LPAR6: variants seen among roughly 807,000 people sequenced by gnomAD.
The protein encoded by LPAR6 is lysophosphatidic acid receptor 6.
Under a neutral mutation model 22.0 loss-of-function variants are expected in LPAR6, and 17 were observed. The ratio of observed to expected loss-of-function variants is 0.77; its 90% CI spans 0.53 to 1.16. LPAR6 has a LOEUF of 1.16. Ranked by LOEUF, LPAR6 falls within the 50% of genes most tolerant of loss-of-function variation. The pLI is 0.00. For missense variants in LPAR6, 384 were observed against 406.9 expected, an observed-to-expected ratio of 0.94 and a Z score of 0.48; for synonymous variants, 136 against 139.8, an observed-to-expected ratio of 0.97 and a Z score of 0.19.
chr13:48,407,107 A>T (rs1030538370), downstream of LPAR6, among the ~76,000 whole-genome samples: 1 of 152,202 alleles, frequency 6.6e-6, no homozygotes, highest in Non-Finnish European at 1.5e-5. Flanking sequence ...CATTTACCCC[A>T]TGGCTATTAA....
At chr13:48,401,343 G>T (rs1463015224) in intron 1 of LPAR6, 1 of 152,094 alleles carries the variant, frequency 6.6e-6, no homozygotes, top group Admixed American at 6.6e-5. Flanking sequence ...TAGAATTCTG[G>T]ATATGCAAGA....
At chr13:48,425,082 A>G (rs1440694150) in intron 1 of LPAR6, among the ~76,000 whole-genome samples, 1 of 152,148 alleles carries the variant, frequency 6.6e-6, no homozygotes, top group Non-Finnish European at 1.5e-5. Flanking sequence ...AGAATACAAA[A>G]CAAAGAAATA....
At chr13:48,404,660 G>A (rs921044622) in intron 1 of LPAR6, among the ~76,000 whole-genome samples, 1 of 152,020 alleles carries the variant, frequency 6.6e-6, no homozygotes, top group African/African-American at 2.4e-5. Flanking sequence ...CTGAGTAGCT[G>A]GGATTACAGG....
intron 2 of LPAR6, among the ~76,000 whole-genome samples, chr13:48,420,021 C>A (rs1436706414): frequency 6.6e-6 from 1 of 152,110 alleles, no homozygotes; most frequent in Non-Finnish European, 1.5e-5. Flanking sequence ...AAAGAGAGTC[C>A]TCCTTAACTC....
chr13:48,412,327 T>C lies in LPAR6; in HGVS notation c.97A>G (p.Ile33Val), dbSNP rs1060585. 4 of 1,613,328 alleles carry C rather than the reference T, an allele frequency of 2.5e-6. No individual in the cohort carries two copies. Among genetic ancestry groups the C allele is most frequent in the Non-Finnish European group, 3.4e-6 (4 of 1,179,302 alleles). ...ATGTATATGGCAACACAATTGGATATTAACCCAAGCACAAACACCATGCTG... is the reference window on the plus strand; with the variant it reads ...ATGTATATGGCAACACAATTGGATACTAACCCAAGCACAAACACCATGCTG... ...MFSMVFVLGL[I>V]SNCVAIYIFI... is the part of the protein sequence containing the mutation. The change falls in exon 1 of 1, where the codon ATA becomes GTA. Residue 33 changes from isoleucine to valine, a missense_variant. Coordinates refer to ENST00000620633, the MANE Select transcript of LPAR6 (RefSeq NM_001162498.3).
chr13:48,435,413 T>A (rs1424207861), intron 1 of LPAR6, among the ~76,000 whole-genome samples: 1 of 152,154 alleles, frequency 6.6e-6, no homozygotes, highest in Non-Finnish European at 1.5e-5. Flanking sequence ...TCTGATTGGA[T>A]TGTTTGTTTT....
downstream of LPAR6, among the ~76,000 whole-genome samples, chr13:48,408,122 GT>G (rs1948756130): frequency 6.6e-6 from 1 of 151,908 alleles, no homozygotes; most frequent in African/African-American, 2.4e-5. Flanking sequence ...TCTCAATTTA[GT>G]GACTAATTTC....
chr13:48,399,635 GACA>G (rs776929667), intron 1 of LPAR6, among the ~76,000 whole-genome samples: 3 of 151,876 alleles, frequency 2.0e-5, no homozygotes, highest in Non-Finnish European at 2.9e-5. Context: ...TGTTAAAAAG[GACA>G]ACAATAAGAA....
chr13:48,421,619 C>A (rs1949006009), intron 2 of LPAR6, among the ~76,000 whole-genome samples: 1 of 152,156 alleles, frequency 6.6e-6, no homozygotes, highest in Non-Finnish European at 1.5e-5. Context: ...ATCTATCCAT[C>A]TGACAAAGGG....
chr13:48,412,409 GT>G lies in LPAR6; in HGVS notation c.14del (p.Asn5ThrfsTer28). 2 of 1,613,456 alleles carry G rather than the reference GT, an allele frequency of 1.2e-6. No homozygotes were observed. The highest frequency in any genetic ancestry group is 1.7e-6 in the Non-Finnish European group (2 of 1,179,404). On this transcript the variant is annotated frameshift_variant, in exon 1 of 1. Coordinates refer to ENST00000620633, the MANE Select transcript of LPAR6 (RefSeq NM_001162498.3). LOFTEE classifies it high-confidence loss of function. ...AGTCATTATAGAAGCAGTGGGAGCTGTTAACGCTTACCATCGTAAAGGCACG... is the reference window on the plus strand; with the variant it reads ...AGTCATTATAGAAGCAGTGGGAGCTGTAACGCTTACCATCGTAAAGGCACG... MVSV[N>X]SSHCFYNDSF...
At chr13:48,416,564 C>T (rs540344437), upstream of LPAR6, 1 of 152,642 alleles carries the variant, frequency 6.6e-6, no homozygotes, top group Admixed American at 6.5e-5. Context: ...TCCAGTGGCA[C>T]CTGAAACACC....
chr13:48,401,218 A>G (rs950350862), intron 1 of LPAR6: 1 of 152,174 alleles, frequency 6.6e-6, no homozygotes, highest in Non-Finnish European at 1.5e-5. Flanking sequence ...ATATACTCTT[A>G]TTCAGAGAAT....
chr13:48,411,716 G>T lies in LPAR6; in HGVS notation c.708C>A (p.Ile236=). Residue 236 remains isoleucine (I), a synonymous_variant, in exon 1 of 1, where the codon ATC becomes ATA. Coordinates refer to ENST00000620633, the MANE Select transcript of LPAR6 (RefSeq NM_001162498.3). ...AAGGAACAAAACAGAAACAGAATATGATCAAATGTACAAAAATCATTTTTA... is the reference window on the plus strand; with the variant it reads ...AAGGAACAAAACAGAAACAGAATATTATCAAATGTACAAAAATCATTTTTA... ...KVLKMIFVHL[I]IFCFCFVPYN... The T allele has an allele frequency of 1.9e-6, 3 of 1,604,456 alleles. No individual in the cohort carries two copies. In the South Asian group the frequency reaches 3.3e-5, roughly 18 times the overall value.
chr13:48,399,536 G>A (rs143307615), intron 1 of LPAR6, among the ~76,000 whole-genome samples: 2 of 151,898 alleles, frequency 1.3e-5, no homozygotes, highest in Non-Finnish European at 1.5e-5. Flanking sequence ...AAAGATCTAG[G>A]AATATAAGCT....
intron 1 of LPAR6, among the ~76,000 whole-genome samples, chr13:48,404,440 C>G (rs1288850797): frequency 3.4e-5 from 1 of 29,090 alleles, no homozygotes; most frequent in Non-Finnish European, 2.2e-4. Flanking sequence ...TAAAAAAGAA[C>G]AGAAAAAAAA....
chr13:48,430,765 C>A (rs1213143064), upstream of LPAR6, among the ~76,000 whole-genome samples: 16 of 150,064 alleles, frequency 1.1e-4, no homozygotes, highest in African/African-American at 2.7e-4. Context: ...AACAAACAAA[C>A]AAAAAAAAAA....
chr13:48,429,931 A>T (rs1168995063), upstream of LPAR6, among the ~76,000 whole-genome samples: 1 of 152,236 alleles, frequency 6.6e-6, no homozygotes, highest in African/African-American at 2.4e-5. Flanking sequence ...ATACTTGAAC[A>T]TGTGCCAGGC....
At chr13:48,397,044 G>A (rs1456189128) in intron 1 of LPAR6, among the ~76,000 whole-genome samples, 3 of 152,220 alleles carry the variant, frequency 2.0e-5, no homozygotes, top group East Asian at 3.8e-4. Flanking sequence ...TATACTGTTG[G>A]TGGCAGTGTA....
chr13:48,429,700 T>G (rs528160397), upstream of LPAR6: 2 of 152,196 alleles, frequency 1.3e-5, no homozygotes, highest in Non-Finnish European at 2.9e-5. Context: ...TATTTTAAAA[T>G]GATTTCCTGC....
Sources: gnomAD v4.1 joint callset for allele counts (sites outside exome capture counted in the v4.1 genomes callset) on GRCh38, gnomAD v4.1.1 for gene constraint, MANE v1.5 for transcripts, NCBI Gene and HGNC (gene_info 2026-07-23, HGNC 2026-07-21) for gene names.